Variants in THUMPD2 observed in about 807,000 individuals in gnomAD.
THUMPD2 encodes U6 snRNA (guanine-N(2))-methyltransferase THUMPD2.
In THUMPD2, 56 loss-of-function variants were observed where a neutral mutation model predicts 49.4. That is an observed-to-expected ratio of 1.13 (90% CI 0.91 to 1.41). The LOEUF (loss-of-function observed/expected upper bound fraction) is 1.41. Among genes scored for constraint, THUMPD2 ranks in the 40% most tolerant of loss-of-function variants. The pLI, the probability that THUMPD2 is intolerant of heterozygous loss-of-function variation, is 0.00. For missense variants in THUMPD2, 709 were observed against 594.5 expected, an observed-to-expected ratio of 1.19 and a Z score of -2.00; for synonymous variants, 237 against 205.2, an observed-to-expected ratio of 1.15 and a Z score of -1.32.
intron 8 of THUMPD2, among the ~76,000 whole-genome samples, chr2:39,753,322 C>T (rs1472534035): frequency 6.6e-6 from 1 of 152,150 alleles, no homozygotes; most frequent in Non-Finnish European, 1.5e-5. Flanking sequence ...GCTGACACAG[C>T]TGATCTATCT....
chr2:39,748,240 C>T (rs1456925097), intron 8 of THUMPD2, among the ~76,000 whole-genome samples: 1 of 152,172 alleles, frequency 6.6e-6, no homozygotes, highest in African/African-American at 2.4e-5. Context: ...AAGTTTATAG[C>T]ACCACCCTAG....
intron 5 of THUMPD2, among the ~76,000 whole-genome samples, chr2:39,763,599 T>A (rs921695497): frequency 7.9e-5 from 12 of 152,200 alleles, no homozygotes; most frequent in African/African-American, 2.9e-4. Flanking sequence ...CTTAACTATT[T>A]TTTGATTTCA....
At chr2:39,776,189 A>C (rs1679067926) in intron 1 of THUMPD2, among the ~76,000 whole-genome samples, 1 of 152,174 alleles carries the variant, frequency 6.6e-6, no homozygotes, top group Admixed American at 6.5e-5. Context: ...AAGTAGTCTA[A>C]GTGATATGTG....
rs549240294 is a variant in THUMPD2, at chr2:39,747,727, A to AT, written c.1079-3250dup. On this transcript the variant is annotated intron_variant, in intron 8 of 9. Coordinates refer to ENST00000505747, the MANE Select transcript of THUMPD2 (RefSeq NM_025264.5). Reference sequence around the variant, plus strand: ...CTGAACAAGTTCTAGTAAATGAAATATACTTTCAGTTCTATTTTTTCATAT... The same window carrying AT: ...CTGAACAAGTTCTAGTAAATGAAATATTACTTTCAGTTCTATTTTTTCATAT... Among the ~76,000 whole-genome samples the AT allele has an allele frequency of 2.7e-3, 410 of 152,314 alleles. 1 individual carries two copies. The highest frequency in any genetic ancestry group is 0.014 in the Middle Eastern group (4 of 294).
At chr2:39,737,322 A>ATGAT (rs1432846253) in intron 9 of THUMPD2, among the ~76,000 whole-genome samples, 1 of 152,198 alleles carries the variant, frequency 6.6e-6, no homozygotes, top group African/African-American at 2.4e-5. Context: ...GGTCTAATAA[A>ATGAT]TGATTGTATA....
At chr2:39,766,818 T>C (rs1381148470) in intron 4 of THUMPD2, among the ~76,000 whole-genome samples, 1 of 152,166 alleles carries the variant, frequency 6.6e-6, no homozygotes, top group Non-Finnish European at 1.5e-5. Context: ...TATTCCAATA[T>C]TGATCAATTT....
chr2:39,754,276 C>G (rs1675809920), intron 8 of THUMPD2, among the ~76,000 whole-genome samples: 1 of 152,172 alleles, frequency 6.6e-6, no homozygotes, highest in African/African-American at 2.4e-5. Context: ...AAACTTGTGT[C>G]TCCTGCACAG....
intron 8 of THUMPD2, among the ~76,000 whole-genome samples, chr2:39,753,943 G>T (rs894256329): frequency 6.6e-5 from 10 of 152,142 alleles, no homozygotes; most frequent in Admixed American, 5.2e-4. Context: ...TGGTACCACA[G>T]AGAACCTTTA....
At chr2:39,739,368 C>A (rs1158653017) in intron 9 of THUMPD2, among the ~76,000 whole-genome samples, 2 of 152,148 alleles carry the variant, frequency 1.3e-5, no homozygotes, top group Non-Finnish European at 2.9e-5. Flanking sequence ...GTTCACCCTG[C>A]GTTTATCACT....
rs530777641 is a variant in THUMPD2 at position 39,763,001 on chromosome 2, C to T, written c.804-1583G>A. Among the ~76,000 whole-genome samples the T allele has an allele frequency of 2.0e-5, 3 of 151,950 alleles. No individual in the cohort carries two copies. The South Asian group carries it at 6.2e-4, about 32-fold the overall frequency. ...AAACCTGGGCAAAATTATCTCATTACTTCAACAAAAGGGCCCCATTATATC... is the reference window on the plus strand; with the variant it reads ...AAACCTGGGCAAAATTATCTCATTATTTCAACAAAAGGGCCCCATTATATC... On this transcript the variant is annotated intron_variant, in intron 5 of 9. Coordinates refer to ENST00000505747, the MANE Select transcript of THUMPD2 (RefSeq NM_025264.5).
chr2:39,737,975 A>G (rs989572669), intron 9 of THUMPD2, among the ~76,000 whole-genome samples: 8 of 152,194 alleles, frequency 5.3e-5, no homozygotes, highest in South Asian at 4.1e-4. Context: ...TAAGGAACAC[A>G]TAAGTGCGGA....
intron 6 of THUMPD2, chr2:39,757,210 T>G (rs888697435): frequency 4.9e-6 from 2 of 406,426 alleles, no homozygotes; most frequent in Admixed American, 3.3e-5. Context: ...AGAAAACAAT[T>G]GTCTAGAAGG....
chr2:39,745,998 A>C (rs553184373), intron 8 of THUMPD2, among the ~76,000 whole-genome samples: 1 of 152,318 alleles, frequency 6.6e-6, no homozygotes. Flanking sequence ...CTTCATCTGT[A>C]AAATGGAATA....
At chr2:39,749,204 T>G (rs1011952937) in intron 8 of THUMPD2, among the ~76,000 whole-genome samples, 13 of 152,174 alleles carry the variant, frequency 8.5e-5, no homozygotes, top group Non-Finnish European at 1.8e-4. Flanking sequence ...CCAAACTGAA[T>G]TCACAGTAGC....
At chr2:39,757,207 A>C (rs1462035597) in intron 6 of THUMPD2, 1 of 405,586 alleles carries the variant, frequency 2.5e-6, no homozygotes, top group East Asian at 7.4e-5. Flanking sequence ...GGGAGAAAAC[A>C]ATTGTCTAGA....
At chr2:39,772,105 T>C (rs1227122342) in intron 1 of THUMPD2, among the ~76,000 whole-genome samples, 1 of 152,154 alleles carries the variant, frequency 6.6e-6, no homozygotes, top group Admixed American at 6.5e-5. Flanking sequence ...GCAATGACTA[T>C]GAAAGCCGAC....
chr2:39,769,030 T>C (rs1001982009), intron 3 of THUMPD2: 4 of 1,304,734 alleles, frequency 3.1e-6, no homozygotes, highest in Non-Finnish European at 4.0e-6. Flanking sequence ...CGCTCTTCTC[T>C]ACATTGCTGA....
chr2:39,742,842 G>T (rs1165958259), intron 9 of THUMPD2, among the ~76,000 whole-genome samples: 1 of 152,150 alleles, frequency 6.6e-6, no homozygotes, highest in Non-Finnish European at 1.5e-5. Flanking sequence ...CTCCTGAAAT[G>T]ATTTTTATAT....
intron 1 of THUMPD2, among the ~76,000 whole-genome samples, chr2:39,777,657 G>A (rs1679297709): frequency 6.6e-6 from 1 of 152,176 alleles, no homozygotes; most frequent in African/African-American, 2.4e-5. Context: ...TGGAATTTCA[G>A]AGATTATTTG....
Sources: allele counts gnomAD v4.1 joint callset (sites outside exome capture counted in the v4.1 genomes callset), GRCh38; gene constraint gnomAD v4.1.1; transcripts MANE v1.5; gene names NCBI Gene and HGNC (gene_info 2026-07-23, HGNC 2026-07-21).